Variants in KCNQ1 observed in about 807,000 individuals in gnomAD.
KCNQ1 encodes potassium voltage-gated channel subfamily Q member 1, also known as potassium voltage-gated channel subfamily KQT member 1.
KCNQ1 carries 49 observed loss-of-function variants against 72.4 expected under a neutral mutation model. The ratio of observed to expected loss-of-function variants is 0.68; its 90% CI spans 0.54 to 0.86. KCNQ1 has a LOEUF of 0.86. Ranked by LOEUF, KCNQ1 falls within the 40% of genes least tolerant of loss-of-function variation. The pLI is 0.00. For synonymous variants in KCNQ1, 450 were observed against 412.6 expected (o/e 1.09, Z -1.10); for missense variants, 790 against 945.1 (o/e 0.84, Z 2.15).
At chr11:2,487,804 G>C (rs988767122) in intron 1 of KCNQ1, among the ~76,000 whole-genome samples, 3 of 152,116 alleles carry the variant, frequency 2.0e-5, no homozygotes, top group Non-Finnish European at 4.4e-5. Flanking sequence ...TATGTTATCT[G>C]TGAATAGAAA....
rs1007111199 is a variant in KCNQ1 at position 2,549,631 on chromosome 11, G to T, written c.478-20997G>T. ...GACTGCTCTGCGAGGCCCGGGGTAGGGGCGTGGGGGGGCCTCCTCCTCCCA... is the reference window on the plus strand; with the variant it reads ...GACTGCTCTGCGAGGCCCGGGGTAGTGGCGTGGGGGGGCCTCCTCCTCCCA... On this transcript the variant is annotated intron_variant, in intron 2 of 15. Transcript: ENST00000155840. The surrounding 1 kb of genome is among the most constrained non-coding windows in gnomAD (Gnocchi z 6.2). Among the ~76,000 whole-genome samples the T allele has an allele frequency of 6.6e-6, 1 of 152,018 alleles. No homozygotes were observed. The highest frequency in any genetic ancestry group is 2.4e-5 in the African/African-American group (1 of 41,374).
chr11:2,835,995 T>G, intron 15 of KCNQ1, among the ~76,000 whole-genome samples: 1 of 150,138 alleles, frequency 6.7e-6, no homozygotes, highest in Non-Finnish European at 1.5e-5. Flanking sequence ...ATCGAAGTCA[T>G]AGGAGGCGGG....
intron 1 of KCNQ1, among the ~76,000 whole-genome samples, chr11:2,465,086 C>T (rs537565123): frequency 1.2e-4 from 18 of 152,308 alleles, no homozygotes; most frequent in East Asian, 9.6e-4. Flanking sequence ...ATGCTTAGAC[C>T]GCACCGAGAA....
At chr11:2,805,923 A>G (rs558210686) in intron 15 of KCNQ1, among the ~76,000 whole-genome samples, 2 of 152,358 alleles carry the variant, frequency 1.3e-5, no homozygotes, top group East Asian at 3.9e-4. Flanking sequence ...GTTATGCACA[A>G]ACAAGCTAAT....
intron 15 of KCNQ1, among the ~76,000 whole-genome samples, chr11:2,820,402 AG>A (rs2134053310): frequency 6.6e-6 from 1 of 152,338 alleles, no homozygotes; most frequent in South Asian, 2.1e-4. Context: ...TTTTACATCA[AG>A]GTACAGATTT....
At chr11:2,837,854 C>T (rs556718505) in intron 15 of KCNQ1, among the ~76,000 whole-genome samples, 132 of 152,204 alleles carry the variant, frequency 8.7e-4, no homozygotes, top group Non-Finnish European at 1.5e-3. Flanking sequence ...GGGCCGGCGG[C>T]GAGGGACCCT....
In KCNQ1 at chr11:2,570,708, C is replaced by A. The variant is rs778826431; in HGVS notation, c.558C>A (p.Gly186=). The stretch of plus-strand genomic sequence containing the variant: ...CCGGCTGCCGCAGCAAGTACGTGGG[C>A]CTCTGGGGGCGGCTGCGCTTTGCCC... The part of the protein sequence containing the change: ...WSAGCRSKYV[G]LWGRLRFARK... The change falls in exon 3 of 16, where the codon GGC becomes GGA. Residue 186 remains glycine, a synonymous_variant. Transcript: ENST00000155840. 3 of 1,612,528 alleles carry A rather than the reference C, an allele frequency of 1.9e-6. No homozygotes were observed. The highest frequency in any genetic ancestry group is 1.7e-6 in the Non-Finnish European group (2 of 1,180,010).
At chr11:2,692,723 TCCC>T in intron 11 of KCNQ1, 1 of 398,650 alleles carries the variant, frequency 2.5e-6, no homozygotes, top group Non-Finnish European at 4.4e-6. Context: ...GGTAGGCAGG[TCCC>T]TGCTCCTATC....
At chr11:2,755,200 C>T (rs1027273548) in intron 11 of KCNQ1, among the ~76,000 whole-genome samples, 3 of 152,130 alleles carry the variant, frequency 2.0e-5, no homozygotes, top group Admixed American at 1.3e-4. Flanking sequence ...GTAATCACAG[C>T]TCTCTCTGAC....
Position 2,840,881 on chromosome 11 carries a change from C to T in KCNQ1, c.1795-6886C>T, listed in dbSNP as rs777776194. 4.6e-5 allele frequency among the ~76,000 whole-genome samples: 7 copies of T among 152,260 alleles called. No individual in the cohort carries two copies. The East Asian group carries it at 5.8e-4, about 13-fold the overall frequency. ...CCCCCTCACTCCAGCCTTGGGGCCC[C>T]GGGAAATTGGCCGGGGCCTCACTTA... On this transcript the variant is annotated intron_variant, in intron 15 of 15. Transcript: ENST00000155840.
intron 4 of KCNQ1, among the ~76,000 whole-genome samples, chr11:2,571,667 G>A (rs911193313): frequency 2.6e-5 from 4 of 152,082 alleles, no homozygotes; most frequent in African/African-American, 9.7e-5. Flanking sequence ...TCCAGGACTT[G>A]GGTGGTAACC....
chr11:2,682,691 C>A lies in KCNQ1; in HGVS notation c.1514+20610C>A. 1 of 398,582 alleles carries A rather than the reference C, an allele frequency of 2.5e-6. No homozygotes were observed. The allele number at this position is 398,582 out of a possible 1,614,324, so 24.7% of individuals were successfully genotyped here. On this transcript the variant is annotated intron_variant, in intron 11 of 15. Coordinates refer to ENST00000155840, the MANE Select transcript of KCNQ1 (RefSeq NM_000218.3). The surrounding 1 kb of genome is among the most constrained non-coding windows in gnomAD (Gnocchi z 5.8). ...GCTATTGTCCATAGAAGCTGGGGTC[C>A]AAAGTTGACCAGAATATCTCTAGTC...
chr11:2,763,848 C>T (rs1489449739), intron 11 of KCNQ1, among the ~76,000 whole-genome samples: 1 of 152,040 alleles, frequency 6.6e-6, no homozygotes, highest in African/African-American at 2.4e-5. Context: ...AGATGTGAGC[C>T]ACTCTGTCAG....
rs948852192 is a variant in KCNQ1, at chr11:2,652,760, C to T, written c.1394-9201C>T. On this transcript the variant is annotated intron_variant, in intron 10 of 15. Transcript: ENST00000155840. This position sits in a 1 kb window ranked among gnomAD's most constrained non-coding sequence, Gnocchi z 5.9. Reference sequence around the variant, plus strand: ...TGACCCTGTCCTGGCTCTGTCACTGCCTGTCTTCCTCAGCGCCCCCGCTAC... The same window carrying T: ...TGACCCTGTCCTGGCTCTGTCACTGTCTGTCTTCCTCAGCGCCCCCGCTAC... 3 of 399,038 alleles carry T rather than the reference C, an allele frequency of 7.5e-6. No individual in the cohort carries two copies. The highest frequency in any genetic ancestry group is 4.4e-5 in the Admixed American group (1 of 22,742). The allele number at this position is 399,038 out of a possible 1,614,324, so 24.7% of individuals were successfully genotyped here.
intron 1 of KCNQ1, among the ~76,000 whole-genome samples, chr11:2,511,836 G>A (rs1271170310): frequency 6.6e-6 from 1 of 152,186 alleles, no homozygotes. Flanking sequence ...TTGGCCACAT[G>A]CGGGCCCCTC....
chr11:2,650,009 G>A (rs966389759), intron 10 of KCNQ1: 1 of 398,040 alleles, frequency 2.5e-6, no homozygotes, highest in African/African-American at 2.1e-5. Context: ...AAATCTGTCT[G>A]GTTTATTGCA....
At chr11:2,500,233 C>A (rs1445249998) in intron 1 of KCNQ1, among the ~76,000 whole-genome samples, 4 of 151,682 alleles carry the variant, frequency 2.6e-5, no homozygotes, top group Non-Finnish European at 4.4e-5. Flanking sequence ...AGACACTTCT[C>A]AAAAAAAAGA....
rs1848760469 is a variant in KCNQ1 at position 2,598,438 on chromosome 11, T to C, written c.1393+9584T>C. Reference sequence around the variant, plus strand: ...TGAAGATTTTCTTTGTCTCCAAGTATGAAAATAACATCATTATTTTTGTAA... The same window carrying C: ...TGAAGATTTTCTTTGTCTCCAAGTACGAAAATAACATCATTATTTTTGTAA... On this transcript the variant is annotated intron_variant, in intron 10 of 15. Transcript: ENST00000155840. This position sits in a 1 kb window ranked among gnomAD's most constrained non-coding sequence, Gnocchi z 6.2. Among the ~76,000 whole-genome samples the C allele has an allele frequency of 1.3e-5, 2 of 152,206 alleles. No individual in the cohort carries two copies. Among genetic ancestry groups the C allele is most frequent in the Admixed American group, 1.3e-4 (2 of 15,280 alleles).
chr11:2,811,139 G>A (rs181237525), intron 15 of KCNQ1, among the ~76,000 whole-genome samples: 8 of 152,322 alleles, frequency 5.3e-5, no homozygotes, highest in South Asian at 2.1e-4. Context: ...CCGCAGTGCC[G>A]TGTCCTGTCT....
Sources: allele counts gnomAD v4.1 joint callset (sites outside exome capture counted in the v4.1 genomes callset), GRCh38; gene constraint gnomAD v4.1.1; non-coding constraint Gnocchi (gnomAD v3.1); transcripts MANE v1.5; gene names NCBI Gene and HGNC (gene_info 2026-07-23, HGNC 2026-07-21).